The following RGS7 variants were observed in gnomAD, a reference collection of about 807,000 sequenced individuals.
RGS7 encodes regulator of G-protein signaling 7.
RGS7 carries 27 observed loss-of-function variants against 81.1 expected under a neutral mutation model. The ratio of observed to expected loss-of-function variants is 0.33; its 90% CI spans 0.25 to 0.46. The LOEUF is 0.46. Ranked by LOEUF, RGS7 falls within the 20% of genes least tolerant of loss-of-function variation. The pLI is 1.00. For synonymous variants in RGS7, 208 were observed against 207.7 expected (o/e 1.00, Z -0.01); for missense variants, 396 against 607.4 (o/e 0.65, Z 3.66).
Position 240,799,287 on chromosome 1 carries a change from TTG to T in RGS7, c.*6+1352_*6+1353del, listed in dbSNP as rs71678488. 1.4e-3 allele frequency among the ~76,000 whole-genome samples: 198 copies of T among 142,050 alleles called. 1 individual carries two copies. Among genetic ancestry groups the T allele is most frequent in the Middle Eastern group, 0.011 (3 of 272 alleles). 93.2% of individuals were successfully genotyped at this position (142,050 alleles called of 152,430 possible). A position where few individuals can be genotyped will look rare whatever the true frequency, so the allele number is the denominator to read the frequency against. ...TGTGTGTGTGTGTGTGTGTCTATGTTTGTGTGTGTGTGTGTGTGTGTGTGTGG... is the reference window on the plus strand; with the variant it reads ...TGTGTGTGTGTGTGTGTGTCTATGTTTGTGTGTGTGTGTGTGTGTGTGTGG... On this transcript the variant is annotated intron_variant, in intron 18 of 18. Transcript: ENST00000440928.
chr1:241,228,288 G>A (rs182794543), intron 2 of RGS7, among the ~76,000 whole-genome samples: 7 of 152,234 alleles, frequency 4.6e-5, no homozygotes, highest in Admixed American at 2.0e-4. Flanking sequence ...AGCCATTTAC[G>A]TTTCCACCTG....
At chr1:241,323,691 C>G (rs537943536) in intron 2 of RGS7, among the ~76,000 whole-genome samples, 4 of 152,168 alleles carry the variant, frequency 2.6e-5, no homozygotes, top group African/African-American at 4.8e-5. Context: ...GAGCTGCCAA[C>G]GGAGAACAGA....
intron 2 of RGS7, among the ~76,000 whole-genome samples, chr1:241,183,390 C>T (rs1246519330): frequency 6.6e-6 from 1 of 152,208 alleles, no homozygotes. Context: ...GGACTAGAAC[C>T]TTTCTGGCCT....
chr1:240,870,014 C>A (rs1271912898), intron 7 of RGS7, 41 bp downstream of exon 7: 3 of 1,520,128 alleles, frequency 2.0e-6, no homozygotes, highest in Admixed American at 3.3e-5. Context: ...TACTGCTGTG[C>A]ATTCTATGAC....
chr1:241,269,083 T>C (rs534825695), intron 2 of RGS7, among the ~76,000 whole-genome samples: 1 of 152,396 alleles, frequency 6.6e-6, no homozygotes, highest in Non-Finnish European at 1.5e-5. Context: ...CAGAGTGATA[T>C]TGATCACTTA....
chr1:241,277,600 T>C (rs1048155358), intron 2 of RGS7, among the ~76,000 whole-genome samples: 1 of 141,348 alleles, frequency 7.1e-6, no homozygotes, highest in Admixed American at 7.3e-5. Flanking sequence ...GCCTGGGCGA[T>C]AAAACGAGAC....
intron 2 of RGS7, among the ~76,000 whole-genome samples, chr1:241,222,492 AG>A (rs2075069656): frequency 6.6e-6 from 1 of 152,208 alleles, no homozygotes; most frequent in Admixed American, 6.5e-5. Flanking sequence ...AGAGAAACCA[AG>A]AGGGTTCTGT....
intron 10 of RGS7, among the ~76,000 whole-genome samples, chr1:240,825,317 G>A (rs1692609424): frequency 6.6e-6 from 1 of 152,160 alleles, no homozygotes; most frequent in South Asian, 2.1e-4. Flanking sequence ...AAGTATCAGT[G>A]GTGATACTTC....
At chr1:241,354,871 A>G (rs1182841782) in intron 2 of RGS7, among the ~76,000 whole-genome samples, 1 of 152,254 alleles carries the variant, frequency 6.6e-6, no homozygotes, top group Non-Finnish European at 1.5e-5. Context: ...TGCAATAAAA[A>G]TGATTGGGGC....
At chr1:240,897,257 A>G (rs895198826) in intron 6 of RGS7, among the ~76,000 whole-genome samples, 1 of 152,130 alleles carries the variant, frequency 6.6e-6, no homozygotes, top group African/African-American at 2.4e-5. Flanking sequence ...TCTTTTCCTA[A>G]TTGAATATCC....
At position 241,010,066 on chromosome 1, in the gene RGS7, G is replaced by T. The variant is rs550994474; in HGVS notation, c.176-26937C>A. Among the ~76,000 whole-genome samples, 44 of 152,226 alleles carry T rather than the reference G, an allele frequency of 2.9e-4. 1 individual carries two copies. The East Asian group carries it at 8.1e-3, about 28-fold the overall frequency. On this transcript the variant is annotated intron_variant, in intron 3 of 18. Transcript: ENST00000440928. The stretch of plus-strand genomic sequence containing the variant: ...TGGGGCTGGGGGAGGGATGGCATTA[G>T]GAGAAACACCTAATGTAAATGACTA...
At chr1:240,983,709 A>C (rs1452476269) in intron 3 of RGS7, among the ~76,000 whole-genome samples, 1 of 152,218 alleles carries the variant, frequency 6.6e-6, no homozygotes, top group Non-Finnish European at 1.5e-5. Context: ...CTGAGTTCAC[A>C]GTACTGTCCA....
At chr1:240,843,460 T>C (rs1658492951) in intron 9 of RGS7, among the ~76,000 whole-genome samples, 1 of 151,684 alleles carries the variant, frequency 6.6e-6, no homozygotes, top group East Asian at 1.9e-4. Context: ...GGGATGAGGT[T>C]TTGCTATGTT....
chr1:240,963,000 A>T (rs1219338833), intron 4 of RGS7, among the ~76,000 whole-genome samples: 1 of 152,212 alleles, frequency 6.6e-6, no homozygotes, highest in Admixed American at 6.5e-5. Flanking sequence ...CAGAAGAGAC[A>T]TGATTAGATC....
At chr1:241,075,424 G>A (rs1373150345) in intron 3 of RGS7, among the ~76,000 whole-genome samples, 3 of 152,112 alleles carry the variant, frequency 2.0e-5, no homozygotes, top group East Asian at 1.9e-4. Flanking sequence ...GAGAAAAAGA[G>A]AGAGAAAGGA....
intron 3 of RGS7, among the ~76,000 whole-genome samples, chr1:241,020,325 G>A (rs192362219): frequency 6.6e-6 from 1 of 152,208 alleles, no homozygotes; most frequent in East Asian, 1.9e-4. Context: ...CTGGAGTCTA[G>A]TAGTCCAAAA....
chr1:241,314,228 TGAAA>T (rs1309698605), intron 2 of RGS7, among the ~76,000 whole-genome samples: 63 of 152,294 alleles, frequency 4.1e-4, no homozygotes, highest in East Asian at 1.5e-3. Context: ...AAATCTTTCG[TGAAA>T]GAAAGAGTCA....
chr1:240,836,896 C>T (rs1694816363), intron 9 of RGS7, among the ~76,000 whole-genome samples: 1 of 152,198 alleles, frequency 6.6e-6, no homozygotes, highest in Non-Finnish European at 1.5e-5. Flanking sequence ...TTTCTGTAGT[C>T]CTACCACATT....
chr1:241,292,501 T>A (rs1182753533), intron 2 of RGS7, among the ~76,000 whole-genome samples: 1 of 152,092 alleles, frequency 6.6e-6, no homozygotes, highest in African/African-American at 2.4e-5. Flanking sequence ...CTGGTAGCAG[T>A]GGAGATTGGG....
Sources: allele counts gnomAD v4.1 joint callset (sites outside exome capture counted in the v4.1 genomes callset), GRCh38; gene constraint gnomAD v4.1.1; transcripts MANE v1.5; gene names NCBI Gene and HGNC (gene_info 2026-07-23, HGNC 2026-07-21).